The following GPM6B variants were observed in gnomAD, a reference collection of about 807,000 sequenced individuals.
GPM6B encodes glycoprotein M6B, also known as neuronal membrane glycoprotein M6-b.
GPM6B carries 4 observed loss-of-function variants against 27.2 expected under a neutral mutation model. The observed-to-expected ratio is 0.15, with a 90% confidence interval of 0.07 to 0.34. The LOEUF (loss-of-function observed/expected upper bound fraction) is 0.34, where lower values mean the gene tolerates loss of function less well. Ranked by LOEUF, GPM6B falls within the 10% of genes least tolerant of loss-of-function variation. The pLI, the probability that GPM6B is intolerant of heterozygous loss-of-function variation, is 1.00. For missense variants in GPM6B, 183 were observed against 261.9 expected, an observed-to-expected ratio of 0.70 and a Z score of 2.08; for synonymous variants, 124 against 103.1, an observed-to-expected ratio of 1.20 and a Z score of -1.23.
chrX:13,803,795 C>T (rs772178668), intron 2 of GPM6B, among the ~76,000 whole-genome samples: 1 of 111,537 alleles, frequency 9.0e-6, no homozygotes, highest in Non-Finnish European at 1.9e-5. Context: ...TTCACTGCCC[C>T]TTCCCCAAAC....
At chrX:13,822,242 C>G (rs1463989371), upstream of GPM6B, among the ~76,000 whole-genome samples, 3 of 111,707 alleles carry the variant, frequency 2.7e-5, no homozygotes, top group Non-Finnish European at 3.8e-5. Context: ...AGAACAAGCT[C>G]TACACCTCCC....
intron 1 of GPM6B, among the ~76,000 whole-genome samples, chrX:13,908,266 T>C: frequency 9.0e-6 from 1 of 111,600 alleles, no homozygotes; most frequent in Middle Eastern, 4.6e-3. Flanking sequence ...AACCAAATGA[T>C]CAGGATTAAT....
chrX:13,938,306 G>C (rs1368092801), intron 1 of GPM6B: 1 of 274,591 alleles, frequency 3.6e-6, no homozygotes, highest in Non-Finnish European at 6.4e-6. Flanking sequence ...CCCCCCCACA[G>C]GATACAACAG....
At chrX:13,880,978 A>G (rs1279402909) in intron 1 of GPM6B, among the ~76,000 whole-genome samples, 4 of 111,217 alleles carry the variant, frequency 3.6e-5, no homozygotes, top group Non-Finnish European at 7.5e-5. Context: ...TCTTGGCTCA[A>G]ACATCACCTC....
At chrX:13,786,073 T>G (rs7062574) in intron 2 of GPM6B, among the ~76,000 whole-genome samples, 1 of 112,418 alleles carries the variant, frequency 8.9e-6, no homozygotes, top group Admixed American at 9.3e-5. Flanking sequence ...GAGCAGTCAA[T>G]TGACAAAGAG....
chrX:13,772,857 C>T lies in GPM6B; in HGVS notation c.*24G>A, dbSNP rs765931805. 8 of 1,200,023 alleles carry T rather than the reference C, an allele frequency of 6.7e-6. No homozygotes were observed. Among genetic ancestry groups the T allele is most frequent in the African/African-American group, 3.5e-5 (2 of 57,121 alleles). On this transcript the variant is annotated 3_prime_UTR_variant, in exon 8 of 8. Transcript: ENST00000316715. ...TGATTTGTCAGAGCTGTAAATACGT[C>T]GGCCGAAACACTCTGGCAAACATTT...
intron 5 of GPM6B, 147 bp from the exon 6 acceptor site, chrX:13,777,572 GC>G: frequency 2.2e-6 from 1 of 457,420 alleles, no homozygotes; most frequent in Non-Finnish European, 3.9e-6. Context: ...TGCAGAACAA[GC>G]ATTTTGGAAT....
chrX:13,881,673 T>C (rs2050099766), intron 1 of GPM6B, among the ~76,000 whole-genome samples: 1 of 56,118 alleles, frequency 1.8e-5, no homozygotes, highest in Admixed American at 2.3e-4. Context: ...TTACTATTAC[T>C]GTCCTGAGTC....
At chrX:13,797,515 C>T (rs1300335235) in intron 2 of GPM6B, among the ~76,000 whole-genome samples, 1 of 111,123 alleles carries the variant, frequency 9.0e-6, no homozygotes, top group Non-Finnish European at 1.9e-5. Context: ...TCAAGGACAC[C>T]AGGGTAATGG....
intron 1 of GPM6B, among the ~76,000 whole-genome samples, chrX:13,852,565 T>C (rs2049730347): frequency 9.0e-6 from 1 of 111,051 alleles, no homozygotes; most frequent in Non-Finnish European, 1.9e-5. Context: ...CACACAGTAC[T>C]AGACTTAACT....
chrX:13,896,916 T>C (rs1373827083), intron 1 of GPM6B, among the ~76,000 whole-genome samples: 1 of 112,025 alleles, frequency 8.9e-6, no homozygotes, highest in Admixed American at 9.4e-5. Flanking sequence ...TACATAGAGA[T>C]AGAAGACAGG....
upstream of GPM6B, among the ~76,000 whole-genome samples, chrX:13,818,931 T>C (rs949572316): frequency 1.6e-4 from 18 of 112,592 alleles, no homozygotes; most frequent in Admixed American, 1.0e-3. Context: ...TTAGCTGTTA[T>C]TGGTTTTTAA....
At chrX:13,794,348 A>G (rs1341563924) in intron 2 of GPM6B, among the ~76,000 whole-genome samples, 1 of 110,931 alleles carries the variant, frequency 9.0e-6, no homozygotes, top group Non-Finnish European at 1.9e-5. Context: ...ACCTGCGTAT[A>G]AATCTCCTCG....
Position 13,799,190 on chromosome X carries a change from A to ATTTT in GPM6B, c.181+8456_181+8459dup, listed in dbSNP as rs763194245. On this transcript the variant is annotated intron_variant, in intron 2 of 7. Transcript: ENST00000316715. ...CTAGAAACCTCGATTAGCCAACCTA[A>ATTTT]TTTTTTTTTTTTTTTTTTTTTTTTT... Among the ~76,000 whole-genome samples, 252 of 35,971 alleles carry ATTTT rather than the reference A, an allele frequency of 7.0e-3. 44 individuals are homozygous for ATTTT. The highest frequency in any genetic ancestry group is 9.4e-3 in the Non-Finnish European group (201 of 21,476). The allele number at this position is 35,971 out of a possible 115,157, so 31.2% of individuals were successfully genotyped here. A position where few individuals can be genotyped will look rare whatever the true frequency, so the allele number is the denominator to read the frequency against.
intron 1 of GPM6B, among the ~76,000 whole-genome samples, chrX:13,871,006 G>A (rs2049970035): frequency 9.0e-6 from 1 of 110,677 alleles, no homozygotes; most frequent in African/African-American, 3.3e-5. Flanking sequence ...GGTTGAAGCT[G>A]CAGTGAGCCA....
chrX:13,902,088 C>G (rs183087206), intron 1 of GPM6B, among the ~76,000 whole-genome samples: 5 of 111,554 alleles, frequency 4.5e-5, no homozygotes. Context: ...GACTATGGAA[C>G]AGGAGTATAA....
chrX:13,916,788 C>G (rs901768848), intron 1 of GPM6B, among the ~76,000 whole-genome samples: 1 of 107,844 alleles, frequency 9.3e-6, no homozygotes, highest in African/African-American at 3.4e-5. Context: ...ACAAATAGAT[C>G]GAAACTTTCA....
At position 13,771,729 on chromosome X, in the gene GPM6B, CAAT is replaced by C. The variant is rs1257400025; in HGVS notation, c.*1149_*1151del. The C allele has an allele frequency of 8.9e-6, 1 of 112,216 alleles. No homozygotes were observed. Among genetic ancestry groups the C allele is most frequent in the Non-Finnish European group, 1.9e-5 (1 of 53,129 alleles). The allele number at this position is 112,216 out of a possible 1,213,427, so 9.2% of individuals were successfully genotyped here. A position where few individuals can be genotyped will look rare whatever the true frequency, so the allele number is the denominator to read the frequency against. On this transcript the variant is annotated 3_prime_UTR_variant, in exon 8 of 8. Coordinates refer to ENST00000316715, the MANE Select transcript of GPM6B (RefSeq NM_001001995.3). ...TACAGTCACTTAATGTTCTGGAACA[CAAT>C]AATGTAAAAGGCAAGTTTCTTTTGA... is the stretch of plus-strand genomic sequence containing the variant.
intron 1 of GPM6B, among the ~76,000 whole-genome samples, chrX:13,862,756 G>A (rs1342243830): frequency 9.0e-6 from 1 of 111,100 alleles, no homozygotes; most frequent in Non-Finnish European, 1.9e-5. Context: ...GCACAATCAC[G>A]GCTCACTACA....
Sources: gnomAD v4.1 joint callset for allele counts (sites outside exome capture counted in the v4.1 genomes callset) on GRCh38, gnomAD v4.1.1 for gene constraint, MANE v1.5 for transcripts, NCBI Gene and HGNC (gene_info 2026-07-23, HGNC 2026-07-21) for gene names.